The following RBBP8 variants were observed in gnomAD, a reference collection of about 807,000 sequenced individuals.
The protein encoded by RBBP8 is DNA endonuclease RBBP8.
RBBP8 carries 88 observed loss-of-function variants against 108.3 expected under a neutral mutation model. That is an observed-to-expected ratio of 0.81 (90% CI 0.68 to 0.97). The LOEUF (loss-of-function observed/expected upper bound fraction) is 0.97, where lower values mean the gene tolerates loss of function less well. Among genes scored for constraint, RBBP8 ranks in the 50% least tolerant of loss-of-function variants. The probability of loss-of-function intolerance (pLI) is 0.00; values close to 1 mark genes in which losing one functional copy is unlikely to be tolerated. For missense variants in RBBP8, 1,023 were observed against 1,049.0 expected, an observed-to-expected ratio of 0.98 and a Z score of 0.34; for synonymous variants, 332 against 348.2, an observed-to-expected ratio of 0.95 and a Z score of 0.52.
Position 23,024,876 on chromosome 18 carries a change from C to T in RBBP8, c.2597-1267C>T, listed in dbSNP as rs533264466. On this transcript the variant is annotated intron_variant, in intron 18 of 18. Transcript: ENST00000327155. ...ATGTTTAAAATTTTTACCCACAAGA[C>T]GATAAAATAGCATTAAATAAATGTC... 3.3e-5 allele frequency among the ~76,000 whole-genome samples: 5 copies of T among 152,236 alleles called. No homozygotes were observed. In the South Asian group the frequency reaches 8.3e-4, roughly 25 times the overall value.
intron 14 of RBBP8, 61 bp from the exon 15 acceptor site, chr18:23,001,522 CATG>C: frequency 1.3e-6 from 2 of 1,578,838 alleles, no homozygotes; most frequent in Non-Finnish European, 8.7e-7. Context: ...ACTACAGTTT[CATG>C]ATGGTCTACA....
At chr18:22,919,545 T>C (rs568711457) in intron 3 of RBBP8, among the ~76,000 whole-genome samples, 1 of 152,288 alleles carries the variant, frequency 6.6e-6, no homozygotes, top group African/African-American at 2.4e-5. Context: ...GCCCACTAAT[T>C]AATCACATAT....
chr18:23,021,038 G>C (rs2046339019), intron 17 of RBBP8, among the ~76,000 whole-genome samples: 1 of 152,162 alleles, frequency 6.6e-6, no homozygotes, highest in Non-Finnish European at 1.5e-5. Context: ...TTTTAAGTCT[G>C]TCACTTTCAA....
intron 10 of RBBP8, 46 bp downstream of exon 10, chr18:22,991,095 T>C: frequency 7.7e-7 from 1 of 1,292,950 alleles, no homozygotes; most frequent in Non-Finnish European, 1.1e-6. Flanking sequence ...ATTGGTGAGA[T>C]CCCATTACAA....
chr18:22,939,335 T>A (rs1910855836), intron 2 of RBBP8, among the ~76,000 whole-genome samples: 2 of 152,106 alleles, frequency 1.3e-5, no homozygotes, highest in Non-Finnish European at 2.9e-5. Flanking sequence ...AGAGAAACCC[T>A]GTCTCTACTA....
chr18:22,973,113 G>A (rs1370265502), intron 5 of RBBP8, among the ~76,000 whole-genome samples: 2 of 152,034 alleles, frequency 1.3e-5, no homozygotes, highest in Admixed American at 6.6e-5. Context: ...TTAGCCTAAG[G>A]GCAACTATTA....
intron 6 of RBBP8, among the ~76,000 whole-genome samples, chr18:22,978,442 A>G (rs1274741596): frequency 6.6e-6 from 1 of 152,158 alleles, no homozygotes; most frequent in Non-Finnish European, 1.5e-5. Flanking sequence ...TCCTTTTATG[A>G]CAAAGGAAGA....
intron 6 of RBBP8, among the ~76,000 whole-genome samples, chr18:22,980,285 A>C (rs1914811097): frequency 6.6e-6 from 1 of 152,156 alleles, no homozygotes; most frequent in Non-Finnish European, 1.5e-5. Flanking sequence ...TAAATTGCAT[A>C]CTATGTTAAA....
At position 23,026,180 on chromosome 18, in the gene RBBP8, A is replaced by G; in HGVS notation, c.2634A>G (p.Pro878=). The change falls in exon 19 of 19, where the codon CCA becomes CCG. Residue 878 remains proline, a synonymous_variant. Transcript: ENST00000327155. The part of the protein sequence containing the change: ...IKEDLDPCPR[P]KRRQPYNAIF... The stretch of plus-strand genomic sequence containing the variant: ...AAGATCTTGATCCTTGTCCTCGTCC[A>G]AAAAGACGTCAGCCTTACAACGCAA... 6.2e-7 allele frequency: 1 copy of G among 1,613,560 alleles called. No individual in the cohort carries two copies. The highest frequency in any genetic ancestry group is 1.3e-5 in the African/African-American group (1 of 75,046).
rs1411454719 is a variant in RBBP8, at chr18:22,922,944, AGAT to A, written c.-154+5919_-154+5921del. Among the ~76,000 whole-genome samples the A allele has an allele frequency of 2.6e-5, 4 of 152,066 alleles. No individual in the cohort carries two copies. The South Asian group carries it at 6.2e-4, about 24-fold the overall frequency. On this transcript the variant is annotated intron_variant, in intron 3 of 4. Coordinates refer to the RBBP8 transcript ENST00000577588. ...TACCTGAACTCAATTATGTAAATCAAGATAATACATGTAAAAGCATTTAACAAT... is the reference window on the plus strand; with the variant it reads ...TACCTGAACTCAATTATGTAAATCAAAATACATGTAAAAGCATTTAACAAT...
chr18:23,015,744 C>T (rs1170438777), intron 16 of RBBP8, among the ~76,000 whole-genome samples: 1 of 151,798 alleles, frequency 6.6e-6, no homozygotes, highest in Non-Finnish European at 1.5e-5. Context: ...TGCGTGGCTC[C>T]TATGTAAAAA....
At chr18:22,918,494 A>C (rs1472749952) in intron 3 of RBBP8, among the ~76,000 whole-genome samples, 1 of 152,152 alleles carries the variant, frequency 6.6e-6, no homozygotes, top group African/African-American at 2.4e-5. Context: ...GACATAGAAA[A>C]GGTACCGTAA....
At chr18:22,953,089 C>A (rs1177951809) in intron 4 of RBBP8, among the ~76,000 whole-genome samples, 2 of 152,178 alleles carry the variant, frequency 1.3e-5, no homozygotes, top group African/African-American at 2.4e-5. Context: ...AATGAGGCGT[C>A]TGGGAGAGCT....
At chr18:22,937,667 A>G (rs1347782474) in intron 2 of RBBP8, among the ~76,000 whole-genome samples, 1 of 151,660 alleles carries the variant, frequency 6.6e-6, no homozygotes, top group East Asian at 1.9e-4. Flanking sequence ...TTGTAGAGTC[A>G]GGGTCTCACT....
At chr18:22,919,886 T>G (rs2144333294) in intron 3 of RBBP8, among the ~76,000 whole-genome samples, 1 of 152,274 alleles carries the variant, frequency 6.6e-6, no homozygotes, top group South Asian at 2.1e-4. Context: ...AACTATTTTA[T>G]TAGCTACGTA....
Position 23,022,262 on chromosome 18 carries a change from T to C in RBBP8, c.2588T>C (p.Met863Thr), listed in dbSNP as rs1256169852. 2 of 1,609,184 alleles carry C rather than the reference T, an allele frequency of 1.2e-6. No homozygotes were observed. The highest frequency in any genetic ancestry group is 1.7e-6 in the Non-Finnish European group (2 of 1,175,768). ...EVGFPSTQTCMERGYIKEDLD... is the reference protein window; with the variant it reads ...EVGFPSTQTCTERGYIKEDLD... ...GGTTTTCCTTCCACTCAGACTTGTA[T>C]GGAAAGAGGTGAGAGTATAGATTGT... Residue 863 changes from methionine to threonine, a missense_variant, in exon 18 of 19, where the codon ATG becomes ACG. Physicochemically the swap from Met to Thr is moderately conservative, Grantham distance 81. Coordinates refer to ENST00000327155, the MANE Select transcript of RBBP8 (RefSeq NM_002894.3).
rs764394581 is a variant in RBBP8 at position 22,968,827 on chromosome 18, T to C, written c.270T>C (p.Asp90=). The part of the protein sequence containing the change: ...LEDRLRAGLC[D]RCAVTEEHMR... ...ATAGGTTAAGAGCAGGCTTATGTGATCGCTGTGCAGTAACTGAAGAACATA... is the reference window on the plus strand; with the variant it reads ...ATAGGTTAAGAGCAGGCTTATGTGACCGCTGTGCAGTAACTGAAGAACATA... The change falls in exon 5 of 19, where the codon GAT becomes GAC. Residue 90 remains aspartate (D), a synonymous_variant. Transcript: ENST00000327155. The C allele has an allele frequency of 6.2e-7, 1 of 1,613,486 alleles. No homozygotes were observed. The highest frequency in any genetic ancestry group is 8.5e-7 in the Non-Finnish European group (1 of 1,179,568).
In RBBP8 at chr18:22,969,175, GT is replaced by G. The variant is rs112376497; in HGVS notation, c.361+269del. On this transcript the variant is annotated intron_variant, in intron 5 of 18. Coordinates refer to ENST00000327155, the MANE Select transcript of RBBP8 (RefSeq NM_002894.3). Reference sequence around the variant, plus strand: ...AGTTGTAAGACAAGAAGCAGGTGGTGTTTTTTTTTTTTGGACATGTCCATAT... The same window carrying G: ...AGTTGTAAGACAAGAAGCAGGTGGTGTTTTTTTTTTTGGACATGTCCATAT... Among the ~76,000 whole-genome samples the G allele has an allele frequency of 0.022, 3,044 of 140,056 alleles. 84 individuals carry two copies. Among genetic ancestry groups the G allele is most frequent in the African/African-American group, 0.065 (2,529 of 38,684 alleles). The allele number at this position is 140,056 out of a possible 152,430, so 91.9% of individuals were successfully genotyped here.
intron 9 of RBBP8, 58 bp from the exon 10 acceptor site, chr18:22,990,879 C>A: frequency 7.5e-7 from 1 of 1,334,654 alleles, no homozygotes; most frequent in Non-Finnish European, 1.1e-6. Flanking sequence ...TACTTCATCC[C>A]TTTTTAAGAA....
Sources: gnomAD v4.1 joint callset for allele counts (sites outside exome capture counted in the v4.1 genomes callset) on GRCh38, gnomAD v4.1.1 for gene constraint, MANE v1.5 for transcripts, NCBI Gene and HGNC (gene_info 2026-07-23, HGNC 2026-07-21) for gene names.